The following KAZN variants were observed in gnomAD, a reference collection of about 807,000 sequenced individuals.
KAZN encodes kazrin, periplakin interacting protein.
A neutral mutation model predicts 87.4 loss-of-function variants in KAZN; 40 were observed. The ratio of observed to expected loss-of-function variants is 0.46; its 90% CI spans 0.36 to 0.60. The LOEUF is 0.60. KAZN is among the 20% of genes least tolerant of loss of function. The pLI is 0.00. For synonymous variants in KAZN, 466 were observed against 458.3 expected (o/e 1.02, Z -0.22); for missense variants, 898 against 1,073.9 (o/e 0.84, Z 2.29).
chr1:15,089,072 C>T (rs1379030599), intron 8 of KAZN, among the ~76,000 whole-genome samples: 1 of 152,196 alleles, frequency 6.6e-6, no homozygotes, highest in East Asian at 1.9e-4. Flanking sequence ...CCCTCTCTGA[C>T]CTCGACTCCC....
intron 2 of KAZN, among the ~76,000 whole-genome samples, chr1:14,206,056 G>A (rs749630790): frequency 4.6e-5 from 7 of 151,900 alleles, no homozygotes; most frequent in Non-Finnish European, 8.8e-5. Flanking sequence ...CCAAAGATAG[G>A]TAAACATTAC....
chr1:14,930,106 A>T, intron 1 of KAZN: 2 of 984,524 alleles, frequency 2.0e-6, no homozygotes, highest in Non-Finnish European at 2.4e-6. Flanking sequence ...TGGCCTAAGC[A>T]GCGGGGAGCT....
chr1:14,340,887 C>CTTTTTTTTTTTTTTTTTT (rs1557650364), intron 2 of KAZN, among the ~76,000 whole-genome samples: 4 of 45,116 alleles, frequency 8.9e-5, no homozygotes, highest in African/African-American at 3.6e-4. Flanking sequence ...CATGATTTTC[C>CTTTTTTTTTTTTTTTTTT]CTTTTTTTTT....
At chr1:14,967,286 G>A (rs1664565376) in intron 2 of KAZN, among the ~76,000 whole-genome samples, 1 of 152,066 alleles carries the variant, frequency 6.6e-6, no homozygotes, top group Admixed American at 6.6e-5. Context: ...TGTGCCTATG[G>A]TATCACCTCC....
intron 1 of KAZN, among the ~76,000 whole-genome samples, chr1:14,907,271 G>A (rs1656700205): frequency 6.6e-6 from 1 of 151,822 alleles, no homozygotes; most frequent in East Asian, 1.9e-4. Context: ...GCATGGTGGT[G>A]CACGCTTGTA....
chr1:14,977,879 A>T (rs1572967117), intron 2 of KAZN, among the ~76,000 whole-genome samples: 1 of 134,030 alleles, frequency 7.5e-6, no homozygotes, highest in African/African-American at 2.8e-5. Flanking sequence ...TGTGGGGTGC[A>T]CGTCTTTTTT....
intron 2 of KAZN, among the ~76,000 whole-genome samples, chr1:14,379,492 T>G (rs1471888161): frequency 1.3e-5 from 2 of 152,070 alleles, no homozygotes; most frequent in African/African-American, 2.4e-5. Context: ...GCACCTTCCC[T>G]GGGGCAGAGG....
At chr1:14,169,405 T>C (rs1457628157) in intron 1 of KAZN, among the ~76,000 whole-genome samples, 1 of 152,046 alleles carries the variant, frequency 6.6e-6, no homozygotes, top group Non-Finnish European at 1.5e-5. Context: ...TCCAGCAGAG[T>C]TTCCATGTTA....
intron 2 of KAZN, among the ~76,000 whole-genome samples, chr1:14,573,279 G>A (rs1400975738): frequency 6.6e-6 from 1 of 152,156 alleles, no homozygotes; most frequent in Non-Finnish European, 1.5e-5. Context: ...AAGCAGCTTT[G>A]CTAAAAGCAA....
intron 3 of KAZN, among the ~76,000 whole-genome samples, chr1:15,036,818 A>G (rs982884576): frequency 2.0e-5 from 3 of 152,164 alleles, no homozygotes; most frequent in African/African-American, 4.8e-5. Context: ...GCTTACAGGA[A>G]GAGTTCTCAG....
chr1:14,958,746 C>G (rs2101758413), intron 1 of KAZN, among the ~76,000 whole-genome samples: 1 of 152,360 alleles, frequency 6.6e-6, no homozygotes, highest in African/African-American at 2.4e-5. Context: ...GCTCCTGGCT[C>G]TACCTGCATG....
At position 15,047,882 on chromosome 1, in the gene KAZN, G is replaced by A. The variant is rs78460857; in HGVS notation, c.726+3723G>A. ...GAACATGTCCCTTTTGTCTTCTGAT[G>A]AAATCTTACCTCTGTGAGGTCCATG... On this transcript the variant is annotated intron_variant, in intron 4 of 14. Coordinates refer to ENST00000376030, the MANE Select transcript of KAZN (RefSeq NM_201628.3). 5.1e-4 allele frequency among the ~76,000 whole-genome samples: 78 copies of A among 152,278 alleles called. 2 individuals are homozygous for A. The East Asian group carries it at 0.014, about 26-fold the overall frequency.
upstream of KAZN, among the ~76,000 whole-genome samples, chr1:14,598,547 GC>G (rs1321030696): frequency 1.8e-4 from 28 of 151,690 alleles, no homozygotes; most frequent in Non-Finnish European, 1.6e-4. The surrounding 1 kb of genome is among the most constrained non-coding windows in gnomAD (Gnocchi z 4.2). Flanking sequence ...CGCCGCCTCC[GC>G]CCCCCCGGGG....
chr1:14,305,394 G>T (rs1219805149), intron 2 of KAZN, among the ~76,000 whole-genome samples: 1 of 152,182 alleles, frequency 6.6e-6, no homozygotes, highest in Admixed American at 6.5e-5. Flanking sequence ...TTTTTAGGGA[G>T]TGAAGATCCC....
At chr1:14,105,103 G>T (rs1222264200) in intron 1 of KAZN, among the ~76,000 whole-genome samples, 1 of 152,188 alleles carries the variant, frequency 6.6e-6, no homozygotes. Flanking sequence ...TTGACTGTAT[G>T]CCAGGTTCTA....
intron 1 of KAZN, among the ~76,000 whole-genome samples, chr1:14,000,793 TTG>T (rs1639752252): frequency 1.3e-5 from 2 of 151,794 alleles, no homozygotes; most frequent in Non-Finnish European, 1.5e-5. Context: ...TTTTTTTTGT[TTG>T]TTTTTGAGAC....
chr1:15,100,201 G>T (rs898579566), intron 10 of KAZN, among the ~76,000 whole-genome samples: 2 of 152,194 alleles, frequency 1.3e-5, no homozygotes, highest in Non-Finnish European at 2.9e-5. Flanking sequence ...AGAAAGAGGG[G>T]AAGGGGTTAG....
chr1:14,613,365 T>A (rs1348989634), intron 1 of KAZN, among the ~76,000 whole-genome samples: 3 of 152,212 alleles, frequency 2.0e-5, no homozygotes, highest in Non-Finnish European at 2.9e-5. Flanking sequence ...AGGCACACAG[T>A]ATTAACATTA....
chr1:13,918,357 G>A (rs529905139), intron 1 of KAZN, among the ~76,000 whole-genome samples: 1 of 152,348 alleles, frequency 6.6e-6, no homozygotes, highest in South Asian at 2.1e-4. Flanking sequence ...CTGCAGTTGT[G>A]TTGAAAATAG....
Sources: gnomAD v4.1 joint callset for allele counts (sites outside exome capture counted in the v4.1 genomes callset) on GRCh38, gnomAD v4.1.1 for gene constraint, Gnocchi (gnomAD v3.1) non-coding constraint, MANE v1.5 for transcripts, NCBI Gene and HGNC (gene_info 2026-07-23, HGNC 2026-07-21) for gene names.